Variants in BANK1 observed in about 807,000 individuals in gnomAD.
BANK1 encodes B-cell scaffold protein with ankyrin repeats.
A neutral mutation model predicts 94.5 loss-of-function variants in BANK1; 95 were observed. That is an observed-to-expected ratio of 1.00 (90% CI 0.85 to 1.19). The LOEUF (loss-of-function observed/expected upper bound fraction) is 1.19. Among genes scored for constraint, BANK1 ranks in the 50% most tolerant of loss-of-function variants. The pLI is 0.00. For missense variants in BANK1, 987 were observed against 932.2 expected (o/e 1.06, Z -0.77); for synonymous variants, 334 against 308.4 (o/e 1.08, Z -0.87).
At chr4:101,987,953 G>A (rs981990125) in intron 7 of BANK1, among the ~76,000 whole-genome samples, 6 of 152,124 alleles carry the variant, frequency 3.9e-5, no homozygotes, top group African/African-American at 1.4e-4. Flanking sequence ...CCTTCCCACT[G>A]CAGAAGTGAT....
intron 4 of BANK1, 148 bp from the exon 5 acceptor site, chr4:101,870,357 A>G (rs1470261135): frequency 1.4e-5 from 9 of 638,900 alleles, no homozygotes; most frequent in Non-Finnish European, 2.1e-5. Context: ...TTTTCCAACT[A>G]CCAAGAATTT....
chr4:102,057,238 CTT>C (rs1203407473), intron 11 of BANK1, among the ~76,000 whole-genome samples: 5 of 151,766 alleles, frequency 3.3e-5, no homozygotes, highest in Middle Eastern at 3.2e-3. Context: ...CTCTCTCTCT[CTT>C]GCTCTCTCTC....
chr4:102,014,234 T>C (rs1726615387), intron 7 of BANK1, among the ~76,000 whole-genome samples: 1 of 152,132 alleles, frequency 6.6e-6, no homozygotes, highest in African/African-American at 2.4e-5. Context: ...AATTGTTGAC[T>C]TCACTCTTCC....
At chr4:101,802,485 G>A (rs1725387329) in intron 1 of BANK1, among the ~76,000 whole-genome samples, 1 of 152,144 alleles carries the variant, frequency 6.6e-6, no homozygotes, top group Admixed American at 6.5e-5. Context: ...TATAATTATG[G>A]AAAGAAAACG....
intron 7 of BANK1, among the ~76,000 whole-genome samples, chr4:101,937,414 CG>C (rs1283331010): frequency 6.6e-6 from 1 of 151,736 alleles, no homozygotes; most frequent in Non-Finnish European, 1.5e-5. Flanking sequence ...ACAACTCCAT[CG>C]AAAAGTGGAC....
chr4:102,004,345 G>A (rs148558233), intron 7 of BANK1, among the ~76,000 whole-genome samples: 8 of 152,268 alleles, frequency 5.3e-5, no homozygotes, highest in Non-Finnish European at 1.0e-4. Context: ...AGGTAAATGA[G>A]GGGTTCATGA....
chr4:101,921,921 T>A (rs969302060), intron 7 of BANK1, among the ~76,000 whole-genome samples: 28 of 151,850 alleles, frequency 1.8e-4, no homozygotes, highest in Non-Finnish European at 4.1e-4. Flanking sequence ...AATCTTTCTA[T>A]TGCTCATGTG....
chr4:101,946,334 A>C (rs532254845), intron 7 of BANK1, among the ~76,000 whole-genome samples: 2 of 152,140 alleles, frequency 1.3e-5, no homozygotes, highest in East Asian at 3.9e-4. Context: ...CGTTTGTTCC[A>C]CCTTGTGTTG....
At chr4:101,805,043 A>C (rs888330209) in intron 1 of BANK1, among the ~76,000 whole-genome samples, 1 of 152,236 alleles carries the variant, frequency 6.6e-6, no homozygotes, top group Non-Finnish European at 1.5e-5. Context: ...CACTATGTCA[A>C]TAATCATGTG....
chr4:102,025,186 C>A lies in BANK1; in HGVS notation c.1286-15C>A, dbSNP rs1727040790. On this transcript the variant is annotated splice_polypyrimidine_tract_variant and intron_variant, in intron 8 of 16. Transcript: ENST00000322953. ...GTGTGTTTAAATGAAATCATGCAAT[C>A]TTCATCATAAACAGCCACACAGAAC... is the stretch of plus-strand genomic sequence containing the variant. The A allele has an allele frequency of 1.9e-6, 3 of 1,610,044 alleles. No individual in the cohort carries two copies. The East Asian group carries it at 6.7e-5, about 36-fold the overall frequency.
At position 101,842,496 on chromosome 4, in the gene BANK1, C is replaced by A. The variant is rs566756333; in HGVS notation, c.469+12290C>A. 2.6e-5 allele frequency among the ~76,000 whole-genome samples: 4 copies of A among 152,200 alleles called. No individual in the cohort carries two copies. The East Asian group carries it at 7.7e-4, about 29-fold the overall frequency. ...TAAGTAAAAACACAAACAGAGGAGG[C>A]AACTAGAAAATAACAGAACTGGAAT... On this transcript the variant is annotated intron_variant, in intron 2 of 16. Coordinates refer to ENST00000322953, the MANE Select transcript of BANK1 (RefSeq NM_017935.5).
intron 5 of BANK1, among the ~76,000 whole-genome samples, chr4:101,880,105 GA>G (rs1298800096): frequency 6.6e-6 from 1 of 151,940 alleles, no homozygotes; most frequent in East Asian, 1.9e-4. Context: ...TAAGAGAAAA[GA>G]AATAAATAAA....
At chr4:101,848,869 G>A (rs917390910) in intron 2 of BANK1, among the ~76,000 whole-genome samples, 4 of 152,088 alleles carry the variant, frequency 2.6e-5, no homozygotes, top group African/African-American at 7.2e-5. Flanking sequence ...TCTCATTCCA[G>A]GATCTTGTTT....
At chr4:101,952,157 T>C (rs532052113) in intron 7 of BANK1, among the ~76,000 whole-genome samples, 3 of 152,270 alleles carry the variant, frequency 2.0e-5, no homozygotes, top group South Asian at 2.1e-4. Flanking sequence ...GATAGGTATT[T>C]GGAAACTGTG....
chr4:101,807,029 C>G (rs1725576602), intron 1 of BANK1, among the ~76,000 whole-genome samples: 1 of 152,196 alleles, frequency 6.6e-6, no homozygotes. Flanking sequence ...GGAGAAGCAA[C>G]AGCTAAGAGT....
intron 2 of BANK1, among the ~76,000 whole-genome samples, chr4:101,847,736 TACACACACAC>T (rs35196238): frequency 4.3e-4 from 63 of 145,878 alleles, no homozygotes; most frequent in East Asian, 1.2e-3. Flanking sequence ...TATTCCATCA[TACACACACAC>T]ACACACACAC....
intron 3 of BANK1, among the ~76,000 whole-genome samples, chr4:101,858,351 C>CA (rs1389012656): frequency 2.0e-5 from 3 of 152,120 alleles, no homozygotes; most frequent in Non-Finnish European, 4.4e-5. Context: ...ACATTTGGTC[C>CA]AAAAATATCA....
chr4:101,807,614 G>C (rs955067549), intron 1 of BANK1, among the ~76,000 whole-genome samples: 1 of 152,212 alleles, frequency 6.6e-6, no homozygotes, highest in African/African-American at 2.4e-5. Context: ...ACAAAGTTTT[G>C]TTAGCAGCAG....
In BANK1 at chr4:102,020,638, A is replaced by C. The variant is rs1378321795; in HGVS notation, c.1207-876A>C. Among the ~76,000 whole-genome samples, 4 of 152,112 alleles carry C rather than the reference A, an allele frequency of 2.6e-5. No homozygotes were observed. The South Asian group carries it at 6.2e-4, about 24-fold the overall frequency. ...ACCTTTGCATATCAAAGCTACTATAAATTTCAAAATGCTTTAATATGGATG... is the reference window on the plus strand; with the variant it reads ...ACCTTTGCATATCAAAGCTACTATACATTTCAAAATGCTTTAATATGGATG... On this transcript the variant is annotated intron_variant, in intron 7 of 16. Coordinates refer to ENST00000322953, the MANE Select transcript of BANK1 (RefSeq NM_017935.5).
Sources: gnomAD v4.1 joint callset for allele counts (sites outside exome capture counted in the v4.1 genomes callset) on GRCh38, gnomAD v4.1.1 for gene constraint, MANE v1.5 for transcripts, NCBI Gene and HGNC (gene_info 2026-07-23, HGNC 2026-07-21) for gene names.